Variants in PCDH15 observed in about 807,000 individuals in gnomAD.
The protein encoded by PCDH15 is protocadherin-15.
In PCDH15, 129 loss-of-function variants were observed where a neutral mutation model predicts 178.5. The ratio of observed to expected loss-of-function variants is 0.72; its 90% CI spans 0.63 to 0.84. The LOEUF is 0.84. Among genes scored for constraint, PCDH15 ranks in the 40% least tolerant of loss-of-function variants. The pLI is 0.00. For synonymous variants in PCDH15, 800 were observed against 732.0 expected (o/e 1.09, Z -1.50); for missense variants, 2,230 against 2,099.9 (o/e 1.06, Z -1.21).
At chr10:55,614,333 G>C (rs1201926829) in intron 2 of PCDH15, among the ~76,000 whole-genome samples, 1 of 152,046 alleles carries the variant, frequency 6.6e-6, no homozygotes, top group Non-Finnish European at 1.5e-5. Context: ...TTTAGAGATT[G>C]TAATGAATTC....
chr10:54,090,360 T>A lies in PCDH15; in HGVS notation c.1918-297A>T, dbSNP rs368794033. On this transcript the variant is annotated intron_variant, in intron 15 of 37. Transcript: ENST00000644397. ...TGTTTATAATTTAAATAAAAGCTGC[T>A]GGCTGGGCACAGTGGCTCAAGCCTG... is the stretch of plus-strand genomic sequence containing the variant. Among the ~76,000 whole-genome samples the A allele has an allele frequency of 5.6e-4, 86 of 152,316 alleles. 1 individual carries two copies. The East Asian group carries it at 0.011, about 19-fold the overall frequency.
At chr10:54,723,798 TC>T (rs1323855177) in intron 1 of PCDH15, among the ~76,000 whole-genome samples, 2 of 151,616 alleles carry the variant, frequency 1.3e-5, no homozygotes, top group African/African-American at 2.4e-5. Flanking sequence ...TTGCTAAACA[TC>T]AGTAATCATC....
At chr10:54,015,889 AT>A (rs56129843) in intron 20 of PCDH15, among the ~76,000 whole-genome samples, 115,184 of 152,028 alleles carry the variant, frequency 0.76, 43,880 homozygotes, top group Middle Eastern at 0.86. Flanking sequence ...AACAGCAAAA[AT>A]TGACAAGTGT....
At chr10:55,341,652 C>T (rs1335558826) in intron 2 of PCDH15, among the ~76,000 whole-genome samples, 1 of 148,692 alleles carries the variant, frequency 6.7e-6, no homozygotes, top group African/African-American at 2.5e-5. Flanking sequence ...TTACTCCAAC[C>T]ACCCGCTCCC....
intron 6 of PCDH15, among the ~76,000 whole-genome samples, chr10:54,332,774 G>A (rs918866017): frequency 2.0e-5 from 3 of 151,814 alleles, no homozygotes; most frequent in Admixed American, 2.0e-4. Flanking sequence ...TTTTGTTGTT[G>A]ACAGTTTTCA....
chr10:54,865,701 A>T (rs1953926663), intron 3 of PCDH15, among the ~76,000 whole-genome samples: 1 of 152,166 alleles, frequency 6.6e-6, no homozygotes, highest in Admixed American at 6.5e-5. Flanking sequence ...CTAAGACAAA[A>T]ATCAAAGCTA....
At chr10:54,953,723 T>C (rs1190851872) in intron 2 of PCDH15, among the ~76,000 whole-genome samples, 1 of 151,346 alleles carries the variant, frequency 6.6e-6, no homozygotes, top group African/African-American at 2.4e-5. Context: ...AAATTCCACT[T>C]AAATATTCAT....
At chr10:53,929,095 T>TG (rs1303742935) in intron 25 of PCDH15, among the ~76,000 whole-genome samples, 44 of 152,192 alleles carry the variant, frequency 2.9e-4, no homozygotes, top group African/African-American at 1.1e-3. Flanking sequence ...TTTTCTATTT[T>TG]GAAAAGTCTG....
intron 20 of PCDH15, among the ~76,000 whole-genome samples, chr10:54,005,287 C>A (rs1227241728): frequency 6.6e-6 from 1 of 152,058 alleles, no homozygotes; most frequent in Admixed American, 6.6e-5. Context: ...CAAGCACAGG[C>A]AACCAAAGAA....
chr10:54,453,208 A>G (rs558126950), intron 3 of PCDH15, among the ~76,000 whole-genome samples: 1 of 152,300 alleles, frequency 6.6e-6, no homozygotes, highest in Non-Finnish European at 1.5e-5. Flanking sequence ...ATGCACATGT[A>G]TGTTTATCAC....
chr10:53,934,053 A>T (rs974695026), intron 25 of PCDH15, among the ~76,000 whole-genome samples: 1 of 152,052 alleles, frequency 6.6e-6, no homozygotes, highest in Non-Finnish European at 1.5e-5. Context: ...GTTTGAGTTC[A>T]TTGTAGATTC....
At chr10:54,393,971 T>C (rs567068262) in intron 3 of PCDH15, among the ~76,000 whole-genome samples, 1 of 151,414 alleles carries the variant, frequency 6.6e-6, no homozygotes, top group Non-Finnish European at 1.5e-5. Context: ...GCTTAATGCA[T>C]GTTTTAGGAT....
chr10:55,486,311 G>A (rs1039254254), intron 2 of PCDH15, among the ~76,000 whole-genome samples: 10 of 151,652 alleles, frequency 6.6e-5, no homozygotes, highest in African/African-American at 2.4e-4. Context: ...ATAGTGAAAA[G>A]AGTAATCAAC....
At chr10:55,542,232 A>C (rs1294174009) in intron 2 of PCDH15, among the ~76,000 whole-genome samples, 1 of 151,362 alleles carries the variant, frequency 6.6e-6, no homozygotes, top group Non-Finnish European at 1.5e-5. Flanking sequence ...GCATGTGTAC[A>C]GTATATGCCT....
intron 18 of PCDH15, among the ~76,000 whole-genome samples, chr10:54,040,389 T>C (rs1443163755): frequency 6.6e-6 from 1 of 152,002 alleles, no homozygotes; most frequent in African/African-American, 2.4e-5. Context: ...TCTCATTCTC[T>C]CTTGCCTGCT....
At chr10:55,144,132 A>T (rs547215694) in intron 2 of PCDH15, among the ~76,000 whole-genome samples, 7 of 152,070 alleles carry the variant, frequency 4.6e-5, no homozygotes, top group Non-Finnish European at 1.0e-4. Flanking sequence ...TTTAAGTCTC[A>T]AACTGAAAGA....
intron 2 of PCDH15, among the ~76,000 whole-genome samples, chr10:55,369,598 C>T (rs1845450877): frequency 6.6e-6 from 1 of 151,970 alleles, no homozygotes; most frequent in East Asian, 1.9e-4. Flanking sequence ...TAAAATGCAA[C>T]AGAATATCCT....
chr10:55,022,831 C>T (rs1840367911), intron 2 of PCDH15, among the ~76,000 whole-genome samples: 1 of 151,428 alleles, frequency 6.6e-6, no homozygotes, highest in Admixed American at 6.6e-5. Flanking sequence ...CTGCCTCAGC[C>T]TCCTGAGTAG....
rs564210370 is a variant in PCDH15, at chr10:54,778,627, C to T, written c.-29+22298G>A. On this transcript the variant is annotated intron_variant, in intron 1 of 37. Transcript: ENST00000644397. ...AGTGGTAAATCATTGTGAAGTAACA[C>T]TGCATTCTCCTTAAAATTGGGATGT... 1.6e-4 allele frequency among the ~76,000 whole-genome samples: 24 copies of T among 152,216 alleles called. 1 individual carries two copies. The highest frequency in any genetic ancestry group is 2.9e-4 in the Non-Finnish European group (20 of 68,006).
Sources: gnomAD v4.1 joint callset for allele counts (sites outside exome capture counted in the v4.1 genomes callset) on GRCh38, gnomAD v4.1.1 for gene constraint, MANE v1.5 for transcripts, NCBI Gene and HGNC (gene_info 2026-07-23, HGNC 2026-07-21) for gene names.